ZNF503: variants seen among roughly 807,000 people sequenced by gnomAD.
ZNF503 encodes the protein zinc finger protein 503.
Under a neutral mutation model 34.4 loss-of-function variants are expected in ZNF503, and 15 were observed. The ratio of observed to expected loss-of-function variants is 0.44; its 90% CI spans 0.29 to 0.67. The LOEUF (loss-of-function observed/expected upper bound fraction) is 0.67, where lower values mean the gene tolerates loss of function less well. ZNF503 is among the 30% of genes least tolerant of loss of function. ZNF503 has a pLI of 0.13. For missense variants in ZNF503, 1,007 were observed against 926.8 expected, an observed-to-expected ratio of 1.09 and a Z score of -1.12; for synonymous variants, 580 against 456.8, an observed-to-expected ratio of 1.27 and a Z score of -3.44.
the ZNF503 span, among the ~76,000 whole-genome samples, chr10:75,370,303 C>T: frequency 0.044 from 6,627 of 152,224 alleles, 435 homozygotes; most frequent in African/African-American, 0.14. Flanking sequence ...CCTACCCCTT[C>T]AGGGCAGGGG....
At chr10:75,303,914 G>T in the ZNF503 span, among the ~76,000 whole-genome samples, 1 of 149,102 alleles carries the variant, frequency 6.7e-6, no homozygotes, top group African/African-American at 2.5e-5. Flanking sequence ...GTTCACTGCA[G>T]CCTCTGCCTC....
chr10:75,396,406 C>G (rs76529446), downstream of ZNF503, among the ~76,000 whole-genome samples: 13,021 of 152,244 alleles, frequency 0.086, 755 homozygotes, highest in Middle Eastern at 0.19. The surrounding 1 kb of genome is among the most constrained non-coding windows in gnomAD (Gnocchi z 4.4). Flanking sequence ...GGAGGCGGCC[C>G]GCGCGCTTCC....
the ZNF503 span, among the ~76,000 whole-genome samples, chr10:75,391,738 T>G: frequency 2.0e-5 from 3 of 150,924 alleles, no homozygotes; most frequent in African/African-American, 4.9e-5. Context: ...CTGTCTTTTG[T>G]TTTTTTTTCT....
At position 75,399,962 on chromosome 10, in the gene ZNF503, G is replaced by T; in HGVS notation, c.728C>A (p.Ser243Tyr). ...ASACSPGGMLSSAGGAPEGKD... is the reference protein window; with the variant it reads ...ASACSPGGMLYSAGGAPEGKD... ...GCCCTCCGGGGCACCCCCGGCCGAG[G>T]ACAGCATACCTCCCGGCGAGCAGGC... Residue 243 changes from serine (S) to tyrosine (Y), a missense_variant, in exon 2 of 2, where the codon TCC becomes TAC. By Grantham distance (144) the Ser-to-Tyr change is moderately radical. Transcript: ENST00000372524. 6.2e-7 allele frequency: 1 copy of T among 1,606,602 alleles called. No homozygotes were observed. Among genetic ancestry groups the T allele is most frequent in the Non-Finnish European group, 8.5e-7 (1 of 1,179,518 alleles).
chr10:75,391,213 C>T, the ZNF503 span, among the ~76,000 whole-genome samples: 8 of 152,198 alleles, frequency 5.3e-5, no homozygotes, highest in Non-Finnish European at 1.5e-5. Context: ...CCCAGCCTCT[C>T]TTACAGCTAT....
chr10:75,390,349 CCTT>C, the ZNF503 span, among the ~76,000 whole-genome samples: 14 of 151,390 alleles, frequency 9.2e-5, no homozygotes, highest in African/African-American at 2.7e-4. Context: ...TCTTCCTCCT[CCTT>C]CACTTCCTTG....
At position 75,400,140 on chromosome 10, in the gene ZNF503, C is replaced by A. The variant is rs1367562569; in HGVS notation, c.550G>T (p.Asp184Tyr). The A allele has an allele frequency of 6.7e-7, 1 of 1,494,850 alleles. No individual in the cohort carries two copies. Among genetic ancestry groups the A allele is most frequent in the East Asian group, 2.7e-5 (1 of 37,122 alleles). 92.6% of individuals were successfully genotyped at this position (1,494,850 alleles called of 1,614,324 possible). The part of the protein sequence containing the change: ...SFKPYSKPGS[D>Y]KKEPGGGGGG... ...CCGCCGCCTCCCGGCTCCTTCTTAT[C>A]CGAGCCGGGTTTGGAGTACGGCTTG... Residue 184 changes from aspartate (D) to tyrosine (Y), a missense_variant, in exon 2 of 2, where the codon GAT becomes TAT. Asp to Tyr is a radical substitution (Grantham distance 160). Coordinates refer to ENST00000372524, the MANE Select transcript of ZNF503 (RefSeq NM_032772.6).
chr10:75,399,645 C>T lies in ZNF503; in HGVS notation c.1045G>A (p.Val349Met), dbSNP rs772205854. Residue 349 changes from valine to methionine, a missense_variant, in exon 2 of 2, where the codon GTG becomes ATG. Coordinates refer to ENST00000372524, the MANE Select transcript of ZNF503 (RefSeq NM_032772.6). ...PVSPYKPGQT[V>M]FPLPPAGMTY... ...ATACCCGCGGGAGGCAGAGGGAACA[C>T]TGTCTGGCCCGGCTTGTAGGGTGAC... The T allele has an allele frequency of 1.1e-5, 17 of 1,599,306 alleles. No individual in the cohort carries two copies. Among genetic ancestry groups the T allele is most frequent in the Non-Finnish European group, 1.4e-5 (17 of 1,179,686 alleles).
chr10:75,300,427 G>C, the ZNF503 span, among the ~76,000 whole-genome samples: 1 of 152,104 alleles, frequency 6.6e-6, no homozygotes, highest in Admixed American at 6.5e-5. Flanking sequence ...CTCAGTTTAC[G>C]AAAATGACGG....
At chr10:75,392,087 C>T in the ZNF503 span, among the ~76,000 whole-genome samples, 1 of 152,178 alleles carries the variant, frequency 6.6e-6, no homozygotes, top group African/African-American at 2.4e-5. Flanking sequence ...GACAAAATCC[C>T]AGGCACAGGG....
the ZNF503 span, among the ~76,000 whole-genome samples, chr10:75,380,215 T>C: frequency 6.6e-6 from 1 of 152,192 alleles, no homozygotes; most frequent in Non-Finnish European, 1.5e-5. Context: ...AGGCCTGAAA[T>C]GACTGTCTTC....
At chr10:75,303,831 C>CTTTTTT in the ZNF503 span, among the ~76,000 whole-genome samples, 2 of 124,488 alleles carry the variant, frequency 1.6e-5, no homozygotes, top group Non-Finnish European at 3.3e-5. Context: ...GTGGCTAAAT[C>CTTTTTT]TTTTTTTTTT....
chr10:75,348,973 TC>T, the ZNF503 span, among the ~76,000 whole-genome samples: 1 of 152,170 alleles, frequency 6.6e-6, no homozygotes, highest in African/African-American at 2.4e-5. Context: ...TCTCTCTCTC[TC>T]TCCCTTCCTG....
chr10:75,354,507 G>A, the ZNF503 span, among the ~76,000 whole-genome samples: 3 of 151,914 alleles, frequency 2.0e-5, no homozygotes, highest in East Asian at 1.9e-4. Context: ...GAGGCCAGGA[G>A]TCCAAGACCA....
the ZNF503 span, among the ~76,000 whole-genome samples, chr10:75,289,044 G>C: frequency 5.3e-5 from 8 of 152,272 alleles, no homozygotes; most frequent in South Asian, 1.0e-3. Flanking sequence ...ACTGCCTCAG[G>C]GCTATGGAAA....
the ZNF503 span, among the ~76,000 whole-genome samples, chr10:75,346,457 G>T: frequency 6.3e-5 from 9 of 142,272 alleles, no homozygotes; most frequent in Non-Finnish European, 1.1e-4. Context: ...TTTTTTCAGG[G>T]TCTTGCTCTG....
chr10:75,333,177 G>A, the ZNF503 span, among the ~76,000 whole-genome samples: 7 of 127,030 alleles, frequency 5.5e-5, no homozygotes, highest in South Asian at 2.9e-4. Context: ...CAGTAGGGGT[G>A]GCCGGGCAGA....
downstream of ZNF503, among the ~76,000 whole-genome samples, chr10:75,396,365 C>T (rs1843697238): frequency 6.6e-6 from 1 of 152,286 alleles, no homozygotes; most frequent in East Asian, 1.9e-4. The surrounding 1 kb of genome is among the most constrained non-coding windows in gnomAD (Gnocchi z 4.4). Flanking sequence ...GAGACGGCGG[C>T]GGAGCCAGAG....
the ZNF503 span, among the ~76,000 whole-genome samples, chr10:75,292,462 A>G: frequency 2.6e-5 from 4 of 152,250 alleles, no homozygotes; most frequent in East Asian, 7.7e-4. Context: ...TGCTCCTGCG[A>G]TACATTGGCT....
Sources: gnomAD v4.1 joint callset for allele counts (sites outside exome capture counted in the v4.1 genomes callset) on GRCh38, gnomAD v4.1.1 for gene constraint, Gnocchi (gnomAD v3.1) non-coding constraint, MANE v1.5 for transcripts, NCBI Gene and HGNC (gene_info 2026-07-23, HGNC 2026-07-21) for gene names.